Variants in ABLIM1 observed in about 807,000 individuals in gnomAD.
ABLIM1 encodes the protein actin-binding LIM protein 1.
A neutral mutation model predicts 107.0 loss-of-function variants in ABLIM1; 40 were observed. The observed-to-expected ratio is 0.37, with a 90% CI of 0.29 to 0.49. The LOEUF (loss-of-function observed/expected upper bound fraction) is 0.49. Among genes scored for constraint, ABLIM1 ranks in the 20% least tolerant of loss-of-function variants. The pLI, the probability that ABLIM1 is intolerant of heterozygous loss-of-function variation, is 0.97. For synonymous variants in ABLIM1, 357 were observed against 357.3 expected (o/e 1.00, Z 0.01); for missense variants, 857 against 1,008.5 (o/e 0.85, Z 2.04).
chr10:114,641,996 C>T (rs530268443), intron 1 of ABLIM1, among the ~76,000 whole-genome samples: 125 of 152,310 alleles, frequency 8.2e-4, no homozygotes, highest in African/African-American at 2.2e-3. Context: ...GGCCCTCCCA[C>T]GTCAGCCTCC....
rs1304968935 is a variant in ABLIM1 at position 114,480,702 on chromosome 10, A to G, written c.1042-6746T>C. ...AACCTTATTTTGGCAAAAGGAAGAA[A>G]GGAGCCTTCGGTAAGAACCTTCTTG... On this transcript the variant is annotated intron_variant, in intron 8 of 22. Transcript: ENST00000533213. Among the ~76,000 whole-genome samples, 8 of 152,324 alleles carry G rather than the reference A, an allele frequency of 5.3e-5. No individual in the cohort carries two copies. In the East Asian group the frequency reaches 1.5e-3, roughly 29 times the overall value.
chr10:114,775,762 G>C, the ABLIM1 span, among the ~76,000 whole-genome samples: 1 of 152,172 alleles, frequency 6.6e-6, no homozygotes, highest in Non-Finnish European at 1.5e-5. Context: ...TCTAACATTT[G>C]TAAGGCATGA....
At chr10:114,534,187 G>A (rs559826897) in intron 6 of ABLIM1, among the ~76,000 whole-genome samples, 9 of 152,298 alleles carry the variant, frequency 5.9e-5, no homozygotes, top group Admixed American at 3.9e-4. Flanking sequence ...CAGAGCCAGG[G>A]ATGGGAGCTG....
At chr10:114,686,530 C>T (rs1188069861), upstream of ABLIM1, among the ~76,000 whole-genome samples, 1 of 151,362 alleles carries the variant, frequency 6.6e-6, no homozygotes, top group African/African-American at 2.4e-5. Context: ...AAAACAAAAA[C>T]AAAAGAGGTG....
chr10:114,781,717 A>G, the ABLIM1 span, among the ~76,000 whole-genome samples: 3 of 148,240 alleles, frequency 2.0e-5, no homozygotes, highest in East Asian at 2.0e-4. Flanking sequence ...TACTTGCCCT[A>G]GGTGCTCTAA....
rs1396965203 is a variant in ABLIM1, at chr10:114,523,549, T to TA, written c.894+21455_894+21456insT. ...ATGAAGAAGCATTAACCTGTGGGGT[T>TA]TATAATAAGAGCAGAAATTTAATTT... On this transcript the variant is annotated intron_variant, in intron 6 of 22. Coordinates refer to ENST00000533213, the MANE Select transcript of ABLIM1 (RefSeq NM_002313.7). 3.3e-3 allele frequency among the ~76,000 whole-genome samples: 510 copies of TA among 152,246 alleles called. 6 individuals carry two copies. The highest frequency in any genetic ancestry group is 0.012 in the African/African-American group (495 of 41,544).
In ABLIM1 at chr10:114,491,012, GTA is replaced by G. The variant is rs71473045; in HGVS notation, c.982+777_982+778del. ...TGTGTGTGTGTGTGTGTGTGTGTGT[GTA>G]TATATATATATGGTCTATTTTATAT... On this transcript the variant is annotated intron_variant, in intron 7 of 22. Transcript: ENST00000533213. 4.1e-4 allele frequency among the ~76,000 whole-genome samples: 38 copies of G among 92,388 alleles called. 1 individual carries two copies. Among genetic ancestry groups the G allele is most frequent in the Non-Finnish European group, 6.3e-4 (32 of 50,838 alleles). 60.6% of individuals were successfully genotyped at this position (92,388 alleles called of 152,430 possible). A position where few individuals can be genotyped will look rare whatever the true frequency, so the allele number is the denominator to read the frequency against.
intron 1 of ABLIM1, among the ~76,000 whole-genome samples, chr10:114,696,310 T>C (rs2081192131): frequency 6.6e-6 from 1 of 152,198 alleles, no homozygotes; most frequent in African/African-American, 2.4e-5. Context: ...AAGACCAAAA[T>C]GATGGCAGGT....
At chr10:114,656,144 C>A (rs955890337) in intron 1 of ABLIM1, among the ~76,000 whole-genome samples, 12 of 151,892 alleles carry the variant, frequency 7.9e-5, no homozygotes, top group Admixed American at 2.6e-4. Context: ...GTGGCACATG[C>A]CGGTAATCCA....
intron 1 of ABLIM1, among the ~76,000 whole-genome samples, chr10:114,706,421 T>C (rs1022626497): frequency 1.3e-5 from 2 of 152,252 alleles, no homozygotes; most frequent in Non-Finnish European, 2.9e-5. Flanking sequence ...TCCTAAACTA[T>C]GAGTTATTCT....
intron 1 of ABLIM1, among the ~76,000 whole-genome samples, chr10:114,641,582 G>C (rs1484632670): frequency 6.6e-6 from 1 of 152,208 alleles, no homozygotes. Flanking sequence ...GAGACTGCTA[G>C]GGGGAGAAGC....
chr10:114,537,270 T>A (rs569669700), intron 6 of ABLIM1, among the ~76,000 whole-genome samples: 171 of 152,362 alleles, frequency 1.1e-3, no homozygotes, highest in Middle Eastern at 3.4e-3. Flanking sequence ...TATTGATACA[T>A]AATATTTTAC....
At chr10:114,748,555 T>C (rs2082434601) in intron 1 of ABLIM1, among the ~76,000 whole-genome samples, 1 of 147,268 alleles carries the variant, frequency 6.8e-6, no homozygotes, top group Non-Finnish European at 1.5e-5. Flanking sequence ...AATAAGTTCA[T>C]TTCTCCCCTC....
At chr10:114,775,402 C>A in the ABLIM1 span, among the ~76,000 whole-genome samples, 8 of 152,296 alleles carry the variant, frequency 5.3e-5, no homozygotes, top group African/African-American at 1.9e-4. Flanking sequence ...GGAGATGCAA[C>A]TGGTTTATCC....
intron 1 of ABLIM1, among the ~76,000 whole-genome samples, chr10:114,734,785 T>C (rs808338): frequency 0.074 from 11,331 of 152,168 alleles, 551 homozygotes; most frequent in Middle Eastern, 0.18. Context: ...TTCCTGAGGG[T>C]TGGGTTTCTT....
intron 1 of ABLIM1, among the ~76,000 whole-genome samples, chr10:114,608,248 C>T (rs2076558960): frequency 6.6e-6 from 1 of 152,198 alleles, no homozygotes; most frequent in Admixed American, 6.5e-5. Flanking sequence ...CCTGTAGTCC[C>T]AGCTACTTGG....
chr10:114,685,652 A>G (rs1048777505), upstream of ABLIM1, among the ~76,000 whole-genome samples: 4 of 152,182 alleles, frequency 2.6e-5, no homozygotes, highest in African/African-American at 9.7e-5. Flanking sequence ...CAGACAAAGA[A>G]TCACAACTGG....
Position 114,759,676 on chromosome 10 carries a change from G to C in ABLIM1, c.-213+8385C>G, listed in dbSNP as rs181923504. Among the ~76,000 whole-genome samples the C allele has an allele frequency of 4.5e-4, 69 of 152,142 alleles. 1 individual carries two copies. Among genetic ancestry groups the C allele is most frequent in the Admixed American group, 1.4e-3 (21 of 15,266 alleles). On this transcript the variant is annotated intron_variant, in intron 1 of 15. Transcript: ENST00000651092. ...CCTAAGATTTAAGTTTAAATTTTGAGGTAGATAATCTACAAAGTAGCTAAT... is the reference window on the plus strand; with the variant it reads ...CCTAAGATTTAAGTTTAAATTTTGACGTAGATAATCTACAAAGTAGCTAAT...
chr10:114,669,864 G>A (rs1004953983), intron 1 of ABLIM1, among the ~76,000 whole-genome samples: 4 of 152,074 alleles, frequency 2.6e-5, no homozygotes, highest in Non-Finnish European at 5.9e-5. Flanking sequence ...TTGGGGAGGA[G>A]AGAATGGCTT....
Sources: allele counts gnomAD v4.1 joint callset (sites outside exome capture counted in the v4.1 genomes callset), GRCh38; gene constraint gnomAD v4.1.1; transcripts MANE v1.5; gene names NCBI Gene and HGNC (gene_info 2026-07-23, HGNC 2026-07-21).